KIAA1671: variants seen among roughly 807,000 people sequenced by gnomAD.
KIAA1671 encodes the protein KIAA1671, also known as uncharacterized protein KIAA1671.
In KIAA1671, 52 loss-of-function variants were observed where a neutral mutation model predicts 131.2. The observed-to-expected ratio is 0.40, with a 90% CI of 0.32 to 0.50. The LOEUF is 0.50. KIAA1671 is among the 20% of genes least tolerant of loss of function. The probability of loss-of-function intolerance (pLI) is 0.73; values close to 1 mark genes in which losing one functional copy is unlikely to be tolerated. For missense variants in KIAA1671, 2,360 were observed against 2,364.2 expected (o/e 1.00, Z 0.04); for synonymous variants, 1,003 against 961.6 (o/e 1.04, Z -0.80).
chr22:25,175,831 C>T (rs941121427), intron 8 of KIAA1671: 1 of 152,148 alleles, frequency 6.6e-6, no homozygotes, highest in African/African-American at 2.4e-5. Context: ...GCTGGTGTCC[C>T]GAAGCATAGG....
chr22:25,138,041 T>C (rs1457222354), intron 6 of KIAA1671, among the ~76,000 whole-genome samples: 1 of 152,228 alleles, frequency 6.6e-6, no homozygotes, highest in Non-Finnish European at 1.5e-5. Flanking sequence ...GTCTAAAAAT[T>C]GTTTGCCTCT....
chr22:25,067,927 T>G (rs1396705423), intron 6 of KIAA1671, among the ~76,000 whole-genome samples: 1 of 152,240 alleles, frequency 6.6e-6, no homozygotes, highest in Non-Finnish European at 1.5e-5. Context: ...TTGACACTCA[T>G]CAGCCAGTCA....
intron 6 of KIAA1671, among the ~76,000 whole-genome samples, chr22:25,067,214 A>G (rs1212140840): frequency 4.0e-5 from 6 of 150,564 alleles, no homozygotes; most frequent in African/African-American, 1.5e-4. Context: ...CCCTCCCCAC[A>G]CCCCCCACCT....
rs2145786859 is a variant in KIAA1671 at position 25,028,350 on chromosome 22, G to T, written c.351G>T (p.Glu117Asp). The change falls in exon 3 of 13, where the codon GAG (glutamate) becomes GAT (aspartate). Residue 117 changes from glutamate (E) to aspartate (D), a missense_variant. Glu to Asp is a conservative substitution (Grantham distance 45, BLOSUM62 2). Around this residue, in one of 3 missense-constraint regions of KIAA1671, gnomAD observed 1,185 missense variants for 1,126.2 expected, o/e 1.05. Coordinates refer to ENST00000358431, the MANE Select transcript of KIAA1671 (RefSeq NM_001145206.2). Reference sequence around the variant, plus strand: ...GGATGCCCGGCTTGGTGGGGCAGGAGGTGGGCAGTGGGGAGGGCCCGAGGA... The same window carrying T: ...GGATGCCCGGCTTGGTGGGGCAGGATGTGGGCAGTGGGGAGGGCCCGAGGA... ...DNRMPGLVGQ[E>D]VGSGEGPRTS... 1 of 1,550,846 alleles carries T rather than the reference G, an allele frequency of 6.4e-7. No homozygotes were observed. The highest frequency in any genetic ancestry group is 2.4e-5 in the East Asian group (1 of 40,926).
At chr22:25,099,554 T>G (rs1445188283) in intron 6 of KIAA1671, among the ~76,000 whole-genome samples, 5 of 55,130 alleles carry the variant, frequency 9.1e-5, no homozygotes, top group African/African-American at 1.8e-4. Context: ...TGTTTTTTTT[T>G]TTTTTTTTTT....
intron 1 of KIAA1671, among the ~76,000 whole-genome samples, chr22:25,000,809 C>T (rs376130630): frequency 6.9e-6 from 1 of 144,470 alleles, no homozygotes; most frequent in African/African-American, 2.5e-5. Flanking sequence ...TGAGCCACTG[C>T]ACCTGGCTTT....
chr22:25,086,895 A>G (rs955746637), intron 6 of KIAA1671, among the ~76,000 whole-genome samples: 1 of 152,212 alleles, frequency 6.6e-6, no homozygotes, highest in Admixed American at 6.5e-5. Flanking sequence ...GCACCAGGCA[A>G]GTAAAGCCGG....
At chr22:25,107,959 T>A (rs1359697986) in intron 6 of KIAA1671, among the ~76,000 whole-genome samples, 5 of 151,996 alleles carry the variant, frequency 3.3e-5, no homozygotes, top group Non-Finnish European at 7.4e-5. Flanking sequence ...AGTGAGCTGA[T>A]ATCACGCCAT....
At chr22:25,150,871 C>T (rs552706475) in intron 6 of KIAA1671, among the ~76,000 whole-genome samples, 4 of 134,240 alleles carry the variant, frequency 3.0e-5, no homozygotes, top group East Asian at 4.4e-4. Flanking sequence ...CTCACTCCAT[C>T]GCCCAGGCTG....
chr22:25,030,245 T>C (rs1926210313), intron 3 of KIAA1671, among the ~76,000 whole-genome samples: 1 of 152,150 alleles, frequency 6.6e-6, no homozygotes, highest in Non-Finnish European at 1.5e-5. Context: ...TGGTTAATAA[T>C]GATGTTCTAG....
rs1249564303 is a variant in KIAA1671, at chr22:25,040,736, C to T, written c.3606C>T (p.Asp1202=). ...ACAGATCCAGCGTTCTTGACATTGA[C>T]GCCCTGATGGCAGAGTACCAGGAGC... ...DGYRSSVLDI[D]ALMAEYQELS... The change falls in exon 5 of 13, where the codon GAC becomes GAT. Residue 1202 remains aspartate, a synonymous_variant. Coordinates refer to ENST00000358431, the MANE Select transcript of KIAA1671 (RefSeq NM_001145206.2). The T allele has an allele frequency of 1.1e-5, 17 of 1,551,806 alleles. No homozygotes were observed. Among genetic ancestry groups the T allele is most frequent in the Admixed American group, 3.9e-5 (2 of 50,988 alleles).
At chr22:25,123,258 G>A (rs1164637239) in intron 6 of KIAA1671, among the ~76,000 whole-genome samples, 3 of 129,796 alleles carry the variant, frequency 2.3e-5, no homozygotes, top group Non-Finnish European at 3.1e-5. Context: ...GTGCAATGAC[G>A]CAATCTCGGC....
chr22:25,030,933 T>C (rs981430932), intron 3 of KIAA1671, among the ~76,000 whole-genome samples: 1 of 152,358 alleles, frequency 6.6e-6, no homozygotes, highest in Admixed American at 6.5e-5. Context: ...CTCAGTACTT[T>C]AGAATAACCG....
At chr22:25,019,158 G>GC (rs1285293731) in intron 1 of KIAA1671, among the ~76,000 whole-genome samples, 1 of 151,070 alleles carries the variant, frequency 6.6e-6, no homozygotes, top group Non-Finnish European at 1.5e-5. Context: ...ACTGTAACAA[G>GC]CAGTTGTTTT....
intron 9 of KIAA1671, chr22:25,179,383 C>G: frequency 6.2e-7 from 1 of 1,608,120 alleles, no homozygotes; most frequent in Non-Finnish European, 8.5e-7. Flanking sequence ...CGCAGCCGCT[C>G]GCGCAGTGCG....
Position 25,040,961 on chromosome 22 carries a change from C to T in KIAA1671, c.3831C>T (p.Gly1277=). 9 of 1,476,482 alleles carry T rather than the reference C, an allele frequency of 6.1e-6. No homozygotes were observed. The highest frequency in any genetic ancestry group is 1.4e-5 in the South Asian group (1 of 70,520). 91.5% of individuals were successfully genotyped at this position (1,476,482 alleles called of 1,614,324 possible). The part of the protein sequence containing the change: ...EINHSFTPGL[G]KQLAETLETA... ...ATCACAGTTTCACTCCTGGCTTAGG[C>T]AAGCAGCTGGCAGAGACCTTGGAGA... is the stretch of plus-strand genomic sequence containing the variant. The change falls in exon 5 of 13, where the codon GGC becomes GGT. Residue 1277 remains glycine (G), a synonymous_variant. Transcript: ENST00000358431.
chr22:24,953,356 A>G (rs1395372598), intron 1 of KIAA1671, among the ~76,000 whole-genome samples: 1 of 151,932 alleles, frequency 6.6e-6, no homozygotes, highest in Non-Finnish European at 1.5e-5. Flanking sequence ...GTGGGAAGCA[A>G]GGGCGGCGAG....
intron 6 of KIAA1671, among the ~76,000 whole-genome samples, chr22:25,093,749 T>A (rs1930184125): frequency 3.2e-5 from 4 of 125,956 alleles, no homozygotes; most frequent in Non-Finnish European, 6.6e-5. Flanking sequence ...TCTCTCTCTC[T>A]CTCTCTCTCT....
intron 6 of KIAA1671, among the ~76,000 whole-genome samples, chr22:25,117,755 C>T (rs894948700): frequency 1.7e-4 from 26 of 152,262 alleles, no homozygotes; most frequent in African/African-American, 6.3e-4. Context: ...CTGGGGTCCT[C>T]CGGCTCTGTA....
Sources: gnomAD v4.1 joint callset for allele counts (sites outside exome capture counted in the v4.1 genomes callset) on GRCh38, gnomAD v4.1.1 for gene constraint, gnomAD v4.1.1 regional missense constraint, MANE v1.5 for transcripts, NCBI Gene and HGNC (gene_info 2026-07-23, HGNC 2026-07-21) for gene names.